Variants in PRR5L observed in about 807,000 individuals in gnomAD.
PRR5L encodes proline rich 5 like.
PRR5L carries 21 observed loss-of-function variants against 36.4 expected under a neutral mutation model. The ratio of observed to expected loss-of-function variants is 0.58; its 90% CI spans 0.41 to 0.83. The LOEUF is 0.83. Ranked by LOEUF, PRR5L falls within the 40% of genes least tolerant of loss-of-function variation. The probability of loss-of-function intolerance (pLI) is 0.00; values close to 1 mark genes in which losing one functional copy is unlikely to be tolerated. For missense variants in PRR5L, 381 were observed against 473.3 expected, an observed-to-expected ratio of 0.80 and a Z score of 1.81; for synonymous variants, 188 against 197.0, an observed-to-expected ratio of 0.95 and a Z score of 0.38.
intron 1 of PRR5L, among the ~76,000 whole-genome samples, chr11:36,354,891 A>G (rs1366262942): frequency 6.6e-6 from 1 of 152,230 alleles, no homozygotes; most frequent in Admixed American, 6.5e-5. Flanking sequence ...AAAATCTGGA[A>G]TATGTGGCTA....
chr11:36,330,907 GTGATTCT>G (rs911500856), intron 1 of PRR5L, among the ~76,000 whole-genome samples: 18 of 152,092 alleles, frequency 1.2e-4, no homozygotes, highest in African/African-American at 3.9e-4. Context: ...CTGGGTTCAA[GTGATTCT>G]CTTGCCTCAG....
intron 2 of PRR5L, among the ~76,000 whole-genome samples, chr11:36,401,628 C>G (rs938495046): frequency 6.6e-6 from 1 of 152,132 alleles, no homozygotes; most frequent in Non-Finnish European, 1.5e-5. Flanking sequence ...GATGGGGTCT[C>G]ACTATACTGC....
In PRR5L at chr11:36,377,875, C is replaced by G. The variant is rs960873427; in HGVS notation, c.-125-23122C>G. 6.6e-6 allele frequency among the ~76,000 whole-genome samples: 1 copy of G among 152,196 alleles called. No homozygotes were observed. Among genetic ancestry groups the G allele is most frequent in the Non-Finnish European group, 1.5e-5 (1 of 68,032 alleles). On this transcript the variant is annotated intron_variant, in intron 1 of 8. Coordinates refer to ENST00000530639, the MANE Select transcript of PRR5L (RefSeq NM_001160167.2). This position sits in a 1 kb window ranked among gnomAD's most constrained non-coding sequence, Gnocchi z 5.1. ...GGAAAAAGCTCTGGGCTGGAATCTCCGGGCTTCCCTGCTTGGGCAGAATTC... is the reference window on the plus strand; with the variant it reads ...GGAAAAAGCTCTGGGCTGGAATCTCGGGGCTTCCCTGCTTGGGCAGAATTC...
At chr11:36,364,343 T>G (rs1403213944) in intron 1 of PRR5L, among the ~76,000 whole-genome samples, 1 of 152,194 alleles carries the variant, frequency 6.6e-6, no homozygotes, top group African/African-American at 2.4e-5. Flanking sequence ...TCGTGAGGTC[T>G]GTCATTAGAT....
intron 1 of PRR5L, among the ~76,000 whole-genome samples, chr11:36,400,436 TAATA>T (rs1857766463): frequency 6.6e-6 from 1 of 152,142 alleles, no homozygotes; most frequent in African/African-American, 2.4e-5. Flanking sequence ...TCACAGTGGT[TAATA>T]AATAGCAAAC....
rs548040168 is a variant in PRR5L at position 36,316,855 on chromosome 11, A to G, written c.-126+20417A>G. The stretch of plus-strand genomic sequence containing the variant: ...AAGGGGGTCTTTTTGGGAAAGGGTT[A>G]CTATCAATTTTGTTTCAGAGTAAAA... On this transcript the variant is annotated intron_variant, in intron 1 of 8. Coordinates refer to ENST00000530639, the MANE Select transcript of PRR5L (RefSeq NM_001160167.2). Among the ~76,000 whole-genome samples, 40 of 152,328 alleles carry G rather than the reference A, an allele frequency of 2.6e-4. No homozygotes were observed. In the South Asian group the frequency reaches 8.3e-3, roughly 32 times the overall value.
chr11:36,323,648 ACTTT>A (rs1377303447), intron 1 of PRR5L, among the ~76,000 whole-genome samples: 2 of 152,172 alleles, frequency 1.3e-5, no homozygotes, highest in Non-Finnish European at 2.9e-5. Context: ...TTTTGATTTG[ACTTT>A]CTATCACTTG....
intron 7 of PRR5L, among the ~76,000 whole-genome samples, chr11:36,450,226 C>T (rs1858915846): frequency 1.3e-5 from 2 of 152,228 alleles, no homozygotes; most frequent in Non-Finnish European, 2.9e-5. Context: ...ATCCCTGAAA[C>T]ACTGCACTGG....
intron 1 of PRR5L, chr11:36,329,002 A>G (rs753918106): frequency 1.3e-5 from 2 of 152,278 alleles, no homozygotes; most frequent in Non-Finnish European, 2.9e-5. Context: ...TTAGGCCTTT[A>G]TGTGCTGGAA....
At position 36,374,925 on chromosome 11, in the gene PRR5L, C is replaced by G. The variant is rs139296968; in HGVS notation, c.-125-26072C>G. On this transcript the variant is annotated intron_variant, in intron 1 of 8. Transcript: ENST00000530639. The stretch of plus-strand genomic sequence containing the variant: ...CTTAGACGAGCCTCTTTTAAGTCTC[C>G]TCCCTGCTCATTGTCCTCTCAGTTT... 3.5e-3 allele frequency among the ~76,000 whole-genome samples: 532 copies of G among 152,254 alleles called. 4 individuals are homozygous for G. Among genetic ancestry groups the G allele is most frequent in the African/African-American group, 0.012 (508 of 41,554 alleles).
intron 1 of PRR5L, among the ~76,000 whole-genome samples, chr11:36,357,940 A>G (rs1450407685): frequency 6.6e-6 from 1 of 152,222 alleles, no homozygotes; most frequent in South Asian, 2.1e-4. Context: ...ATGGATCTGA[A>G]CAAAGTCAGT....
intron 1 of PRR5L, among the ~76,000 whole-genome samples, chr11:36,334,011 C>T (rs1470133241): frequency 6.7e-6 from 1 of 148,576 alleles, no homozygotes; most frequent in African/African-American, 2.6e-5. Flanking sequence ...GCTTCATCCT[C>T]ATGGTCCAAG....
chr11:36,441,371 A>T (rs538340177), intron 6 of PRR5L, among the ~76,000 whole-genome samples: 1 of 152,356 alleles, frequency 6.6e-6, no homozygotes, highest in South Asian at 2.1e-4. Context: ...AGCAGGCCCC[A>T]CTTGAGTCTG....
chr11:36,359,492 C>T (rs1053874815), intron 1 of PRR5L, among the ~76,000 whole-genome samples: 37 of 152,002 alleles, frequency 2.4e-4, no homozygotes, highest in Admixed American at 1.3e-4. Context: ...TCATTTTATT[C>T]TGGTGTTTTG....
At chr11:36,430,967 T>C (rs1858481311) in intron 4 of PRR5L, among the ~76,000 whole-genome samples, 1 of 152,198 alleles carries the variant, frequency 6.6e-6, no homozygotes, top group African/African-American at 2.4e-5. Flanking sequence ...CCTTTGCAGC[T>C]GCCTCTCCCA....
intron 1 of PRR5L, among the ~76,000 whole-genome samples, chr11:36,390,035 G>T (rs1476906174): frequency 6.6e-6 from 1 of 152,180 alleles, no homozygotes; most frequent in African/African-American, 2.4e-5. Flanking sequence ...CCCTGGGGAT[G>T]TACCTGAGAA....
chr11:36,359,767 G>C (rs529451651), intron 1 of PRR5L, among the ~76,000 whole-genome samples: 3 of 152,176 alleles, frequency 2.0e-5, no homozygotes, highest in Non-Finnish European at 4.4e-5. Context: ...AAGCCTGGCC[G>C]AGTGCAGTGG....
At chr11:36,442,103 GT>G (rs1313195241) in intron 6 of PRR5L, among the ~76,000 whole-genome samples, 1 of 152,106 alleles carries the variant, frequency 6.6e-6, no homozygotes, top group Non-Finnish European at 1.5e-5. Context: ...ATCAGCACCT[GT>G]TTCCCTTTTA....
chr11:36,370,550 A>T (rs1857186812), intron 1 of PRR5L, among the ~76,000 whole-genome samples: 1 of 152,226 alleles, frequency 6.6e-6, no homozygotes. Flanking sequence ...CAAATGACTG[A>T]CTTAGGATTG....
Sources: gnomAD v4.1 joint callset for allele counts (sites outside exome capture counted in the v4.1 genomes callset) on GRCh38, gnomAD v4.1.1 for gene constraint, Gnocchi (gnomAD v3.1) non-coding constraint, MANE v1.5 for transcripts, NCBI Gene and HGNC (gene_info 2026-07-23, HGNC 2026-07-21) for gene names.